The following FBXW11 variants were observed in gnomAD, a reference collection of about 807,000 sequenced individuals.
FBXW11 encodes the protein F-box/WD repeat-containing protein 11.
In FBXW11, 19 loss-of-function variants were observed where a neutral mutation model predicts 77.6. The observed-to-expected ratio is 0.24, with a 90% CI of 0.17 to 0.36. The LOEUF (loss-of-function observed/expected upper bound fraction) is 0.36, where lower values mean the gene tolerates loss of function less well. Among genes scored for constraint, FBXW11 ranks in the 10% least tolerant of loss-of-function variants. FBXW11 has a pLI of 1.00. For missense variants in FBXW11, 334 were observed against 704.2 expected (o/e 0.47, Z 5.95); for synonymous variants, 235 against 249.4 (o/e 0.94, Z 0.54).
intron 1 of FBXW11, among the ~76,000 whole-genome samples, chr5:171,974,831 G>C (rs1188535656): frequency 6.6e-6 from 1 of 152,186 alleles, no homozygotes; most frequent in Non-Finnish European, 1.5e-5. Context: ...TTTCGATCTT[G>C]TTGCCCAGGC....
At chr5:171,914,432 AATTATACC>A in intron 2 of FBXW11, 27 bp from the exon 3 acceptor site, 1 of 1,552,158 alleles carries the variant, frequency 6.4e-7, no homozygotes, top group Non-Finnish European at 8.7e-7. Flanking sequence ...AGGTTATTTG[AATTATACC>A]AAGTTTTGCA....
At chr5:171,922,867 A>G (rs1761669900) in intron 2 of FBXW11, among the ~76,000 whole-genome samples, 1 of 152,060 alleles carries the variant, frequency 6.6e-6, no homozygotes, top group Non-Finnish European at 1.5e-5. Context: ...ATGTGGACGA[A>G]TGTTTTTCTT....
At chr5:171,866,941 C>T (rs1322693554) in intron 13 of FBXW11, among the ~76,000 whole-genome samples, 3 of 152,220 alleles carry the variant, frequency 2.0e-5, no homozygotes, top group Non-Finnish European at 4.4e-5. Context: ...ACAGTCTGAA[C>T]ACACTCGAGA....
Position 171,912,084 on chromosome 5 carries a change from A to C in FBXW11, c.211-1287T>G, listed in dbSNP as rs371196695. Among the ~76,000 whole-genome samples the C allele has an allele frequency of 4.6e-5, 7 of 152,362 alleles. No individual in the cohort carries two copies. The East Asian group carries it at 1.2e-3, about 25-fold the overall frequency. On this transcript the variant is annotated intron_variant, in intron 3 of 13. Transcript: ENST00000517395. Reference sequence around the variant, plus strand: ...GAATGAACCAAGAGCTTTCACTATCAGTATGTCCCCTAACTTAAAGTGGAC... The same window carrying C: ...GAATGAACCAAGAGCTTTCACTATCCGTATGTCCCCTAACTTAAAGTGGAC...
Position 171,933,724 on chromosome 5 carries a change from C to T in FBXW11, c.148-19319G>A, listed in dbSNP as rs79779762. On this transcript the variant is annotated intron_variant, in intron 2 of 13. Transcript: ENST00000517395. ...TCACCTGCTTATCCTGCAAAGGAAG[C>T]CATGCAGTAAAGAAATAATACTTTG... Among the ~76,000 whole-genome samples the T allele has an allele frequency of 7.4e-3, 1,128 of 152,228 alleles. 21 individuals carry two copies. Among genetic ancestry groups the T allele is most frequent in the African/African-American group, 0.026 (1,088 of 41,530 alleles).
At chr5:172,004,106 G>C (rs1164418190) in intron 1 of FBXW11, among the ~76,000 whole-genome samples, 3 of 152,208 alleles carry the variant, frequency 2.0e-5, no homozygotes, top group Non-Finnish European at 4.4e-5. Context: ...TCTGGAAACT[G>C]TAATTGAAAT....
intron 6 of FBXW11, among the ~76,000 whole-genome samples, chr5:171,894,131 A>G (rs1378759420): frequency 2.0e-5 from 3 of 152,112 alleles, no homozygotes; most frequent in South Asian, 4.1e-4. Flanking sequence ...CAGAGGAGCC[A>G]GGGTCAGGTA....
chr5:171,952,915 T>G (rs1763422544), intron 2 of FBXW11, among the ~76,000 whole-genome samples: 1 of 152,100 alleles, frequency 6.6e-6, no homozygotes, highest in African/African-American at 2.4e-5. Context: ...AGTGTAATTT[T>G]ATGTGTAGTC....
intron 2 of FBXW11, among the ~76,000 whole-genome samples, chr5:171,922,907 G>T (rs930095622): frequency 2.0e-5 from 3 of 150,098 alleles, no homozygotes; most frequent in African/African-American, 7.3e-5. Context: ...GTGTGTGTGC[G>T]TGTGTGTGTG....
At chr5:171,912,732 C>T (rs1760960823) in intron 3 of FBXW11, among the ~76,000 whole-genome samples, 1 of 151,902 alleles carries the variant, frequency 6.6e-6, no homozygotes, top group Admixed American at 6.6e-5. Context: ...CATGGTGAAA[C>T]CCTGTCTCTA....
chr5:171,917,766 C>CTGTGTGTGTGTG (rs60601173), intron 2 of FBXW11, among the ~76,000 whole-genome samples: 1,973 of 147,568 alleles, frequency 0.013, 18 homozygotes, highest in Non-Finnish European at 0.018. Flanking sequence ...TAGACTCACT[C>CTGTGTGTGTGTG]TGTGTGTGTG....
chr5:172,004,442 A>G (rs2113631319), intron 1 of FBXW11, among the ~76,000 whole-genome samples: 1 of 152,374 alleles, frequency 6.6e-6, no homozygotes, highest in South Asian at 2.1e-4. Flanking sequence ...AAGTGCTATC[A>G]TGTAAAATCA....
At chr5:171,873,922 C>G (rs1581127637) in intron 9 of FBXW11, among the ~76,000 whole-genome samples, 1 of 152,194 alleles carries the variant, frequency 6.6e-6, no homozygotes, top group Non-Finnish European at 1.5e-5. Context: ...AAGAATGGCA[C>G]TGGACCCCTA....
intron 1 of FBXW11, among the ~76,000 whole-genome samples, chr5:171,992,489 AAGAAAGAAAAGAGAG>A (rs1765798158): frequency 1.3e-5 from 2 of 151,888 alleles, no homozygotes; most frequent in African/African-American, 4.8e-5. Flanking sequence ...GAAAGAAAGG[AAGAAAGAAAAGAGAG>A]AGAAAGAAAG....
intron 2 of FBXW11, among the ~76,000 whole-genome samples, chr5:171,946,295 C>T (rs566928317): frequency 6.6e-6 from 1 of 152,292 alleles, no homozygotes; most frequent in African/African-American, 2.4e-5. Context: ...GACTGACATG[C>T]TGATCAATCT....
intron 1 of FBXW11, among the ~76,000 whole-genome samples, chr5:172,004,435 T>G (rs1280118352): frequency 1.3e-5 from 2 of 152,200 alleles, no homozygotes; most frequent in East Asian, 1.9e-4. Context: ...CAAAACCAAG[T>G]GCTATCATGT....
In FBXW11 at chr5:171,983,886, C is replaced by T. The variant is rs55805925; in HGVS notation, c.45+22572G>A. On this transcript the variant is annotated intron_variant, in intron 1 of 13. Transcript: ENST00000517395. Reference sequence around the variant, plus strand: ...GCAGACAAAAATTAGAAGCAACTCACGTATTCATCAATAACAGCCAAGTAC... The same window carrying T: ...GCAGACAAAAATTAGAAGCAACTCATGTATTCATCAATAACAGCCAAGTAC... Among the ~76,000 whole-genome samples, 1,375 of 152,074 alleles carry T rather than the reference C, an allele frequency of 9.0e-3. 9 individuals carry two copies. Among genetic ancestry groups the T allele is most frequent in the Non-Finnish European group, 0.016 (1,059 of 67,994 alleles).
chr5:171,881,963 T>C lies in FBXW11; in HGVS notation c.853-3834A>G, dbSNP rs570838036. On this transcript the variant is annotated intron_variant, in intron 7 of 13. Transcript: ENST00000517395. ...TTAGGAATCTGAGTGCTTTTTTTTC[T>C]ATGTTAGCATAGCTAACGTAATTAT... is the stretch of plus-strand genomic sequence containing the variant. Among the ~76,000 whole-genome samples, 3 of 152,350 alleles carry C rather than the reference T, an allele frequency of 2.0e-5. No individual in the cohort carries two copies. The East Asian group carries it at 5.8e-4, about 29-fold the overall frequency.
At chr5:171,957,108 T>C (rs1763653387) in intron 2 of FBXW11, among the ~76,000 whole-genome samples, 2 of 152,332 alleles carry the variant, frequency 1.3e-5, no homozygotes, top group African/African-American at 4.8e-5. Context: ...CATAAAGCTA[T>C]GATCTTTATA....
Sources: allele counts gnomAD v4.1 joint callset (sites outside exome capture counted in the v4.1 genomes callset), GRCh38; gene constraint gnomAD v4.1.1; transcripts MANE v1.5; gene names NCBI Gene and HGNC (gene_info 2026-07-23, HGNC 2026-07-21).